Variants in UMODL1 observed in about 807,000 individuals in gnomAD.
The protein encoded by UMODL1 is uromodulin like 1.
In UMODL1, 128 loss-of-function variants were observed where a neutral mutation model predicts 136.3. That is an observed-to-expected ratio of 0.94 (90% confidence interval 0.81 to 1.09). UMODL1 has a LOEUF of 1.09. Among genes scored for constraint, UMODL1 ranks in the 50% least tolerant of loss-of-function variants. UMODL1 has a pLI of 0.00. For synonymous variants in UMODL1, 721 were observed against 720.0 expected (o/e 1.00, Z -0.02); for missense variants, 1,766 against 1,725.6 (o/e 1.02, Z -0.41).
At position 42,085,416 on chromosome 21, in the gene UMODL1, G is replaced by A; in HGVS notation, c.603+4G>A. 1 of 1,613,830 alleles carries A rather than the reference G, an allele frequency of 6.2e-7. No homozygotes were observed. The highest frequency in any genetic ancestry group is 1.1e-5 in the South Asian group (1 of 91,072). ...CATGCGCCTTCTGCATTCCTTGGTAGGTGAGACAGACGGGGGCTGCCTGCA... is the reference window on the plus strand; with the variant it reads ...CATGCGCCTTCTGCATTCCTTGGTAAGTGAGACAGACGGGGGCTGCCTGCA... On this transcript the variant is annotated splice_donor_region_variant and intron_variant, in intron 4 of 22. Transcript: ENST00000408910. This position sits in a 1 kb window ranked among gnomAD's most constrained non-coding sequence, Gnocchi z 4.5.
chr21:42,119,044 C>T lies in UMODL1; in HGVS notation c.2476-67C>T, dbSNP rs567388394. 7.3e-4 allele frequency: 1,119 copies of T among 1,528,768 alleles called. 4 individuals carry two copies. The highest frequency in any genetic ancestry group is 1.0e-3 in the East Asian group (46 of 44,214). 94.7% of individuals were successfully genotyped at this position (1,528,768 alleles called of 1,614,324 possible). On this transcript the variant is annotated intron_variant, in intron 14 of 22. Coordinates refer to ENST00000408910, the MANE Select transcript of UMODL1 (RefSeq NM_001004416.3). ...TGCTGGGCAGACTGGCAGGAGGAACCGCCTTGAGACGGGCATCTGTTTCCT... is the reference window on the plus strand; with the variant it reads ...TGCTGGGCAGACTGGCAGGAGGAACTGCCTTGAGACGGGCATCTGTTTCCT...
intron 18 of UMODL1, among the ~76,000 whole-genome samples, chr21:42,126,733 G>C (rs1398728871): frequency 6.6e-6 from 1 of 152,176 alleles, no homozygotes; most frequent in Non-Finnish European, 1.5e-5. Context: ...CCACTGGCAG[G>C]CCGCCACCCA....
intron 21 of UMODL1, among the ~76,000 whole-genome samples, chr21:42,132,598 AC>A (rs1205502327): frequency 1.2e-4 from 18 of 151,076 alleles, no homozygotes; most frequent in African/African-American, 4.1e-4. Context: ...CCATCCACCC[AC>A]CCATCCATCC....
intron 6 of UMODL1, among the ~76,000 whole-genome samples, chr21:42,097,323 G>A (rs932015262): frequency 2.0e-5 from 3 of 152,210 alleles, no homozygotes; most frequent in African/African-American, 7.2e-5. Context: ...TCTGCTGGGA[G>A]GTGGAGTGGC....
chr21:42,103,208 G>A lies in UMODL1; in HGVS notation c.1300-660G>A, dbSNP rs372413364. The stretch of plus-strand genomic sequence containing the variant: ...TCTGGAACAAAAGGGCAGTTAGTGC[G>A]TCTACTTGCAAGATGTGTAGAAATG... On this transcript the variant is annotated intron_variant, in intron 8 of 22. Transcript: ENST00000408910. The A allele has an allele frequency of 1.1e-4, 22 of 191,520 alleles. 3 individuals are homozygous for A. Among genetic ancestry groups the A allele is most frequent in the Admixed American group, 2.7e-4 (5 of 18,848 alleles). The allele number at this position is 191,520 out of a possible 1,614,324, so 11.9% of individuals were successfully genotyped here. A position where few individuals can be genotyped will look rare whatever the true frequency, so the allele number is the denominator to read the frequency against.
At chr21:42,071,216 T>C, upstream of UMODL1, 1 of 1,270,282 alleles carries the variant, frequency 7.9e-7, no homozygotes, top group South Asian at 2.1e-5. Context: ...AGGCCGTTTC[T>C]CCAGGTCCAG....
rs749456273 is a variant in UMODL1, at chr21:42,111,208, C to A, written c.1899+87C>A. 3.3e-6 allele frequency: 5 copies of A among 1,529,768 alleles called. No homozygotes were observed. The highest frequency in any genetic ancestry group is 3.5e-6 in the Non-Finnish European group (4 of 1,138,208). The allele number at this position is 1,529,768 out of a possible 1,614,324, so 94.8% of individuals were successfully genotyped here. Reference sequence around the variant, plus strand: ...GCCAGGGGAGCCCCAGCCAGGGGAGCCTCAGACAGGAGAGTACCAGCCAGG... The same window carrying A: ...GCCAGGGGAGCCCCAGCCAGGGGAGACTCAGACAGGAGAGTACCAGCCAGG... On this transcript the variant is annotated intron_variant, in intron 11 of 22. Transcript: ENST00000408910.
intron 21 of UMODL1, among the ~76,000 whole-genome samples, chr21:42,131,903 G>T (rs1158308448): frequency 6.6e-6 from 1 of 152,146 alleles, no homozygotes; most frequent in African/African-American, 2.4e-5. Flanking sequence ...CACCCTATAA[G>T]AAATAGCATA....
Position 42,085,234 on chromosome 21 carries a change from C to A in UMODL1, c.482-57C>A. ...CCTGCCCCCTCTCCCACCCCAGCAG[C>A]TTTTGTGACTTCAACCTGTCCTGGG... On this transcript the variant is annotated intron_variant, in intron 3 of 22. Coordinates refer to ENST00000408910, the MANE Select transcript of UMODL1 (RefSeq NM_001004416.3). This position sits in a 1 kb window ranked among gnomAD's most constrained non-coding sequence, Gnocchi z 4.5. The A allele has an allele frequency of 6.3e-7, 1 of 1,584,862 alleles. No homozygotes were observed. Among genetic ancestry groups the A allele is most frequent in the Non-Finnish European group, 8.6e-7 (1 of 1,162,334 alleles).
rs747845022 is a variant in UMODL1 at position 42,129,728 on chromosome 21, C to T, written c.3706C>T (p.Arg1236Trp). 60 of 1,580,014 alleles carry T rather than the reference C, an allele frequency of 3.8e-5. No homozygotes were observed. The highest frequency in any genetic ancestry group is 3.4e-4 in the Middle Eastern group (2 of 5,920). ...AAAAAAACAGAATTGCAATAACTTT[C>T]GGTTGCTGCAAAATAGTGAAACCTC... Reference protein sequence around the residue: ...ATCKINCNNFRLLQNSETSAT... With the variant: ...ATCKINCNNFWLLQNSETSAT... Residue 1236 changes from arginine (R) to tryptophan (W), a missense_variant, in exon 21 of 23, where the codon CGG becomes TGG. Arg to Trp is a moderately radical substitution (Grantham distance 101). Coordinates refer to ENST00000408910, the MANE Select transcript of UMODL1 (RefSeq NM_001004416.3).
intron 15 of UMODL1, 59 bp downstream of exon 15, chr21:42,119,383 C>A: frequency 6.6e-7 from 1 of 1,505,606 alleles, no homozygotes; most frequent in Non-Finnish European, 9.2e-7. Flanking sequence ...AGCCAGAGGG[C>A]AGCCACCACC....
rs779574971 is a variant in UMODL1 at position 42,076,123 on chromosome 21, C to A, written c.195C>A (p.Ile65=). 6.2e-7 allele frequency: 1 copy of A among 1,614,232 alleles called. No homozygotes were observed. Among genetic ancestry groups the A allele is most frequent in the South Asian group, 1.1e-5 (1 of 91,086 alleles). ...YTSYVSCGGW[I]PWRRCPKMVY... ...CCTATGTGTCCTGCGGCGGCTGGAT[C>A]CCCTGGAGGCGGTGCCCTAAGATGG... Residue 65 remains isoleucine (I), a synonymous_variant, in exon 2 of 23, where the codon ATC becomes ATA. Coordinates refer to ENST00000408910, the MANE Select transcript of UMODL1 (RefSeq NM_001004416.3).
intron 1 of UMODL1, among the ~76,000 whole-genome samples, chr21:42,071,726 G>A (rs1210155245): frequency 6.6e-6 from 1 of 151,986 alleles, no homozygotes; most frequent in Non-Finnish European, 1.5e-5. Context: ...TGTGGGTGAT[G>A]CAGATGCTGT....
At chr21:42,140,510 C>G (rs556056089) in intron 22 of UMODL1, among the ~76,000 whole-genome samples, 3 of 148,418 alleles carry the variant, frequency 2.0e-5, no homozygotes, top group African/African-American at 7.3e-5. Flanking sequence ...GGGGTCAGCT[C>G]TCTTAGCTAC....
chr21:42,138,785 G>C (rs959942416), intron 22 of UMODL1, among the ~76,000 whole-genome samples: 2 of 152,144 alleles, frequency 1.3e-5, no homozygotes, highest in African/African-American at 4.8e-5. Flanking sequence ...ATGTTGGTCA[G>C]GCTGGTCTCC....
At chr21:42,133,694 T>C (rs928485737) in intron 21 of UMODL1, among the ~76,000 whole-genome samples, 6 of 152,212 alleles carry the variant, frequency 3.9e-5, no homozygotes, top group African/African-American at 1.4e-4. Context: ...GCCCAATCTT[T>C]GGTGGACCTT....
intron 6 of UMODL1, 96 bp downstream of exon 6, chr21:42,090,534 C>T (rs1286324477): frequency 2.1e-6 from 3 of 1,426,252 alleles, no homozygotes; most frequent in Non-Finnish European, 2.8e-6. Flanking sequence ...CAGCATTCAC[C>T]CCGAGATAAC....
intron 20 of UMODL1, among the ~76,000 whole-genome samples, chr21:42,129,331 G>A (rs1230136116): frequency 6.6e-6 from 1 of 152,134 alleles, no homozygotes; most frequent in African/African-American, 2.4e-5. Context: ...AGGCAAAGGT[G>A]TAAAGGGGAA....
chr21:42,109,673 C>G lies in UMODL1; in HGVS notation c.1631C>G (p.Pro544Arg), dbSNP rs200278702. The G allele has an allele frequency of 3.1e-6, 5 of 1,606,022 alleles. No homozygotes were observed. Among genetic ancestry groups the G allele is most frequent in the Admixed American group, 3.3e-5 (2 of 60,002 alleles). ...TGCCGTACCACCAGGGACGCCACCC[C>G]CTCCCGCGCAGGCCGGGCCTGTGAG... ...CQCRTTRDAT[P>R]SRAGRACEGD... Residue 544 changes from proline (P) to arginine (R), a missense_variant, in exon 10 of 23, where the codon CCC becomes CGC. By Grantham distance (103) the Pro-to-Arg change is moderately radical. Coordinates refer to ENST00000408910, the MANE Select transcript of UMODL1 (RefSeq NM_001004416.3).
Sources: gnomAD v4.1 joint callset for allele counts (sites outside exome capture counted in the v4.1 genomes callset) on GRCh38, gnomAD v4.1.1 for gene constraint, Gnocchi (gnomAD v3.1) non-coding constraint, MANE v1.5 for transcripts, NCBI Gene and HGNC (gene_info 2026-07-23, HGNC 2026-07-21) for gene names.